The following ARPP21 variants were observed in gnomAD, a reference collection of about 807,000 sequenced individuals.
The protein encoded by ARPP21 is cAMP-regulated phosphoprotein 21.
In ARPP21, 69 loss-of-function variants were observed where a neutral mutation model predicts 113.2. The ratio of observed to expected loss-of-function variants is 0.61; its 90% confidence interval spans 0.50 to 0.74. ARPP21 has a LOEUF of 0.74. ARPP21 is among the 30% of genes least tolerant of loss of function. ARPP21 has a pLI of 0.00. For missense variants in ARPP21, 1,070 were observed against 1,037.4 expected, an observed-to-expected ratio of 1.03 and a Z score of -0.43; for synonymous variants, 368 against 375.5, an observed-to-expected ratio of 0.98 and a Z score of 0.23.
chr3:35,782,726 T>C (rs1401687928), intron 19 of ARPP21, among the ~76,000 whole-genome samples: 1 of 152,198 alleles, frequency 6.6e-6, no homozygotes, highest in Non-Finnish European at 1.5e-5. Context: ...AGGTTTTTCA[T>C]TATTTTAATC....
chr3:35,656,482 A>G (rs1395413254), intron 1 of ARPP21, among the ~76,000 whole-genome samples: 1 of 152,094 alleles, frequency 6.6e-6, no homozygotes, highest in Non-Finnish European at 1.5e-5. Flanking sequence ...GCTCAGCAGT[A>G]AAAAGGAGTG....
intron 1 of ARPP21, among the ~76,000 whole-genome samples, chr3:35,664,264 C>T (rs1709144101): frequency 6.6e-6 from 1 of 152,132 alleles, no homozygotes; most frequent in Non-Finnish European, 1.5e-5. Context: ...ATTAGCATAT[C>T]CATCACCTCA....
chr3:35,743,712 A>G, intron 18 of ARPP21, 127 bp from the exon 19 acceptor site: 1 of 902,756 alleles, frequency 1.1e-6, no homozygotes, highest in Non-Finnish European at 1.8e-6. Flanking sequence ...ACACATAGGC[A>G]TGGGAGAAGT....
chr3:35,762,769 A>G (rs58360101), intron 19 of ARPP21, among the ~76,000 whole-genome samples: 7,874 of 152,196 alleles, frequency 0.052, 345 homozygotes, highest in South Asian at 0.12. Context: ...GAAGGCAGGC[A>G]TATATTGAGG....
chr3:35,764,060 G>A (rs1208021064), intron 19 of ARPP21, among the ~76,000 whole-genome samples: 1 of 151,818 alleles, frequency 6.6e-6, no homozygotes. Flanking sequence ...GAATTGCTAA[G>A]GATGGCTACA....
chr3:35,776,550 C>T (rs1006729982), intron 19 of ARPP21, among the ~76,000 whole-genome samples: 3 of 151,996 alleles, frequency 2.0e-5, no homozygotes. Flanking sequence ...CACTCAGCAC[C>T]CTTTTGCCCT....
chr3:35,744,007 T>C (rs1285943534), intron 19 of ARPP21, 42 bp downstream of exon 19: 1 of 1,611,132 alleles, frequency 6.2e-7, no homozygotes, highest in Non-Finnish European at 8.5e-7. Flanking sequence ...AACCCAGTTA[T>C]TTTTGCTGGT....
Position 35,721,826 on chromosome 3 carries a change from C to T in ARPP21, c.1217C>T (p.Ser406Phe). 1 of 1,601,736 alleles carries T rather than the reference C, an allele frequency of 6.2e-7. No homozygotes were observed. The highest frequency in any genetic ancestry group is 8.5e-7 in the Non-Finnish European group (1 of 1,172,920). ...AGTACTAGGAGTACCGGGAAGCTGT[C>T]CAAAGCAGGTAGTTAGTACTGAATG... Reference protein sequence around the residue: ...TSSTRSTGKLSKAGSESSSSA... With the variant: ...TSSTRSTGKLFKAGSESSSSA... The change falls in exon 14 of 21, where the codon TCC (serine) becomes TTC (phenylalanine). Residue 406 changes from serine to phenylalanine, a missense_variant. Physicochemically the swap from Ser to Phe is radical, Grantham distance 155. Coordinates refer to ENST00000684406, the MANE Select transcript of ARPP21 (RefSeq NM_001385562.1).
At chr3:35,657,019 G>A (rs564853797) in intron 1 of ARPP21, among the ~76,000 whole-genome samples, 84 of 152,024 alleles carry the variant, frequency 5.5e-4, no homozygotes, top group African/African-American at 2.0e-3. Flanking sequence ...GAGATCCTAG[G>A]CAAATTTTGG....
chr3:35,711,535 G>A (rs562309685), intron 11 of ARPP21, among the ~76,000 whole-genome samples: 6 of 152,264 alleles, frequency 3.9e-5, no homozygotes, highest in African/African-American at 1.4e-4. Context: ...AAATTTGGCA[G>A]CTGAAAACAA....
At chr3:35,736,611 C>T (rs553094500) in intron 15 of ARPP21, among the ~76,000 whole-genome samples, 13 of 152,232 alleles carry the variant, frequency 8.5e-5, no homozygotes, top group African/African-American at 2.9e-4. Flanking sequence ...TCTAAAACCC[C>T]GGGTATCCTT....
At chr3:35,781,687 A>G (rs1490606103) in intron 19 of ARPP21, 2 of 152,292 alleles carry the variant, frequency 1.3e-5, no homozygotes, top group East Asian at 3.9e-4. Context: ...AAAAGAAAGT[A>G]TCTCTTGGCT....
chr3:35,775,081 C>G (rs2096316392), intron 19 of ARPP21: 1 of 152,046 alleles, frequency 6.6e-6, no homozygotes, highest in African/African-American at 2.4e-5. Context: ...CTATCCCACC[C>G]CACTCCCCAA....
At chr3:35,758,195 T>C (rs1368629503) in intron 19 of ARPP21, among the ~76,000 whole-genome samples, 1 of 152,030 alleles carries the variant, frequency 6.6e-6, no homozygotes, top group Non-Finnish European at 1.5e-5. Flanking sequence ...AGCAGTGTCT[T>C]GTAGAGAAAC....
chr3:35,738,108 G>A (rs1259104248), intron 16 of ARPP21, 106 bp from the exon 17 acceptor site: 1 of 683,366 alleles, frequency 1.5e-6, no homozygotes, highest in East Asian at 2.7e-5. Flanking sequence ...TCCCCTCTCT[G>A]GAGTGCACTG....
chr3:35,674,974 G>C (rs1290101380), intron 1 of ARPP21, among the ~76,000 whole-genome samples: 1 of 151,664 alleles, frequency 6.6e-6, no homozygotes, highest in Non-Finnish European at 1.5e-5. Context: ...CATCACTAGA[G>C]AAACACAGGT....
intron 1 of ARPP21, chr3:35,679,519 A>T (rs947473122): frequency 6.6e-6 from 1 of 151,654 alleles, no homozygotes; most frequent in African/African-American, 2.4e-5. Context: ...TCACTAAAAA[A>T]GGTTAAAATT....
At chr3:35,764,530 C>T (rs1222287611) in intron 19 of ARPP21, among the ~76,000 whole-genome samples, 1 of 152,130 alleles carries the variant, frequency 6.6e-6, no homozygotes, top group South Asian at 2.1e-4. Flanking sequence ...TTCCTCCATG[C>T]ATTCCCGAGG....
At position 35,727,994 on chromosome 3, in the gene ARPP21, C is replaced by T. The variant is rs1401062700; in HGVS notation, c.1226-1309C>T. ...CTGTGTGTTTGAAAAATTCAGAATC[C>T]ATAAACATCACGATTATTTTACTAT... is the stretch of plus-strand genomic sequence containing the variant. On this transcript the variant is annotated intron_variant, in intron 14 of 20. Coordinates refer to ENST00000684406, the MANE Select transcript of ARPP21 (RefSeq NM_001385562.1). Among the ~76,000 whole-genome samples, 4 of 152,122 alleles carry T rather than the reference C, an allele frequency of 2.6e-5. 1 individual carries two copies. The South Asian group carries it at 8.3e-4, about 32-fold the overall frequency.
Sources: gnomAD v4.1 joint callset for allele counts (sites outside exome capture counted in the v4.1 genomes callset) on GRCh38, gnomAD v4.1.1 for gene constraint, MANE v1.5 for transcripts, NCBI Gene and HGNC (gene_info 2026-07-23, HGNC 2026-07-21) for gene names.